Variants in SORCS1 observed in about 807,000 individuals in gnomAD.
SORCS1 encodes VPS10 domain-containing receptor SorCS1.
In SORCS1, 60 loss-of-function variants were observed where a neutral mutation model predicts 146.1. The observed-to-expected ratio is 0.41, with a 90% CI of 0.33 to 0.51. The LOEUF (loss-of-function observed/expected upper bound fraction) is 0.51, where lower values mean the gene tolerates loss of function less well. Ranked by LOEUF, SORCS1 falls within the 20% of genes least tolerant of loss-of-function variation. The pLI, the probability that SORCS1 is intolerant of heterozygous loss-of-function variation, is 0.21. For missense variants in SORCS1, 1,352 were observed against 1,487.6 expected (o/e 0.91, Z 1.50); for synonymous variants, 637 against 584.0 (o/e 1.09, Z -1.31).
Position 106,667,681 on chromosome 10 carries a change from A to G in SORCS1, c.2303+8T>C. 6.2e-7 allele frequency: 1 copy of G among 1,609,284 alleles called. No individual in the cohort carries two copies. Among genetic ancestry groups the G allele is most frequent in the Admixed American group, 1.7e-5 (1 of 59,962 alleles). ...TGGCCTCTCAAGGTCACTACTCCAG[A>G]CACTTACCCAGTACTATTGAGGTAA... On this transcript the variant is annotated splice_region_variant and intron_variant, in intron 17 of 25. Transcript: ENST00000263054.
intron 24 of SORCS1, among the ~76,000 whole-genome samples, chr10:106,583,984 T>C (rs2133221441): frequency 6.6e-6 from 1 of 152,334 alleles, no homozygotes; most frequent in Admixed American, 6.5e-5. Context: ...ACCCCGAAAC[T>C]TTCAACTCTA....
At chr10:107,148,267 C>A (rs188870928) in intron 1 of SORCS1, among the ~76,000 whole-genome samples, 79 of 152,274 alleles carry the variant, frequency 5.2e-4, no homozygotes, top group Admixed American at 2.0e-3. Flanking sequence ...CCTTGGCAAA[C>A]GTTCCTGTAA....
At chr10:106,690,508 G>C (rs541264889) in intron 9 of SORCS1, among the ~76,000 whole-genome samples, 2 of 152,334 alleles carry the variant, frequency 1.3e-5, no homozygotes, top group East Asian at 3.9e-4. Context: ...TGGTTCATTT[G>C]ATTCGCAGAA....
At chr10:106,678,564 T>C (rs1852207447) in intron 12 of SORCS1, among the ~76,000 whole-genome samples, 1 of 152,206 alleles carries the variant, frequency 6.6e-6, no homozygotes, top group Non-Finnish European at 1.5e-5. Context: ...GTCAGTAGGT[T>C]ATTAAAACAT....
intron 2 of SORCS1, among the ~76,000 whole-genome samples, chr10:106,874,383 T>A (rs1950529369): frequency 6.6e-6 from 1 of 152,218 alleles, no homozygotes; most frequent in Admixed American, 6.5e-5. Context: ...AAAGTGTGTG[T>A]ACAACTGAGC....
intron 18 of SORCS1, among the ~76,000 whole-genome samples, chr10:106,652,071 T>C (rs937985110): frequency 4.6e-5 from 7 of 152,216 alleles, no homozygotes; most frequent in Admixed American, 4.6e-4. Flanking sequence ...AGGAATGTTA[T>C]TTATGTATTC....
chr10:106,887,036 A>T (rs781773666), intron 2 of SORCS1, among the ~76,000 whole-genome samples: 11 of 152,352 alleles, frequency 7.2e-5, no homozygotes, highest in Non-Finnish European at 1.5e-4. Context: ...CAGAGTAGAA[A>T]TATCAATTAC....
At chr10:106,810,716 T>A (rs78974867) in intron 3 of SORCS1, among the ~76,000 whole-genome samples, 2,462 of 152,262 alleles carry the variant, frequency 0.016, 92 homozygotes, top group African/African-American at 0.056. Context: ...AATTCCTAAG[T>A]GGAAGAGCAG....
At chr10:106,688,890 T>C (rs1015697435) in intron 9 of SORCS1, among the ~76,000 whole-genome samples, 1 of 152,240 alleles carries the variant, frequency 6.6e-6, no homozygotes, top group African/African-American at 2.4e-5. Context: ...TCACAGCTCA[T>C]GCTCTTAATG....
chr10:107,134,543 G>A (rs1038651450), intron 1 of SORCS1, among the ~76,000 whole-genome samples: 1 of 152,138 alleles, frequency 6.6e-6, no homozygotes, highest in African/African-American at 2.4e-5. Context: ...GGAGGCTGAG[G>A]CAGGAGAATG....
intron 2 of SORCS1, among the ~76,000 whole-genome samples, chr10:106,871,848 A>T: frequency 6.6e-6 from 1 of 151,738 alleles, no homozygotes; most frequent in South Asian, 2.1e-4. Context: ...CCATGACATA[A>T]GTTTACCTAT....
intron 23 of SORCS1, among the ~76,000 whole-genome samples, chr10:106,606,016 T>A (rs1401950885): frequency 2.6e-5 from 4 of 152,182 alleles, no homozygotes; most frequent in Non-Finnish European, 4.4e-5. Flanking sequence ...AGCCAATATT[T>A]ACTTAGTGGC....
At chr10:106,606,970 A>C (rs968973389) in intron 23 of SORCS1, among the ~76,000 whole-genome samples, 196 bp downstream of exon 23, 5 of 152,304 alleles carry the variant, frequency 3.3e-5, no homozygotes, top group African/African-American at 1.2e-4. Flanking sequence ...CCCCTTTATA[A>C]ATTACCCAGT....
intron 2 of SORCS1, among the ~76,000 whole-genome samples, chr10:106,858,961 G>A (rs1949901043): frequency 6.6e-6 from 1 of 152,068 alleles, no homozygotes; most frequent in Non-Finnish European, 1.5e-5. Flanking sequence ...CCTAGGGCAG[G>A]CCATCACTAT....
chr10:106,975,096 A>T (rs1437433585), intron 1 of SORCS1, among the ~76,000 whole-genome samples: 3 of 152,324 alleles, frequency 2.0e-5, no homozygotes, highest in East Asian at 1.9e-4. Context: ...AAACCCTCCC[A>T]TTCTGTCAAC....
chr10:106,773,134 C>T (rs1431887936), intron 4 of SORCS1, among the ~76,000 whole-genome samples: 1 of 152,198 alleles, frequency 6.6e-6, no homozygotes, highest in East Asian at 1.9e-4. Flanking sequence ...AAAACAGCAT[C>T]CAGCAGAGAT....
chr10:106,817,378 T>C (rs972207699), intron 3 of SORCS1, among the ~76,000 whole-genome samples: 8 of 152,178 alleles, frequency 5.3e-5, no homozygotes, highest in African/African-American at 1.7e-4. Flanking sequence ...TAGAAAGTAG[T>C]AGAGAAAAAG....
At chr10:106,891,964 T>C (rs1215006133) in intron 2 of SORCS1, among the ~76,000 whole-genome samples, 1 of 152,178 alleles carries the variant, frequency 6.6e-6, no homozygotes, top group Non-Finnish European at 1.5e-5. Flanking sequence ...GCGTTCTCAA[T>C]TGGGTAAGCA....
intron 17 of SORCS1, among the ~76,000 whole-genome samples, chr10:106,655,692 C>G (rs1850233184): frequency 6.6e-6 from 1 of 152,108 alleles, no homozygotes; most frequent in Non-Finnish European, 1.5e-5. Flanking sequence ...AAAAACCATT[C>G]TGAAACCATT....
Sources: gnomAD v4.1 joint callset for allele counts (sites outside exome capture counted in the v4.1 genomes callset) on GRCh38, gnomAD v4.1.1 for gene constraint, MANE v1.5 for transcripts, NCBI Gene and HGNC (gene_info 2026-07-23, HGNC 2026-07-21) for gene names.